Variants in LIPH observed in about 807,000 individuals in gnomAD.
LIPH encodes lipase member H.
In LIPH, 32 loss-of-function variants were observed where a neutral mutation model predicts 47.6. The observed-to-expected ratio is 0.67, with a 90% CI of 0.51 to 0.90. The LOEUF is 0.90. Ranked by LOEUF, LIPH falls within the 40% of genes least tolerant of loss-of-function variation. LIPH has a pLI of 0.00. For missense variants in LIPH, 497 were observed against 541.4 expected (o/e 0.92, Z 0.81); for synonymous variants, 190 against 195.6 (o/e 0.97, Z 0.24).
chr3:185,533,873 A>T (rs1277970066), intron 2 of LIPH, among the ~76,000 whole-genome samples, 194 bp from the exon 3 acceptor site: 1 of 152,230 alleles, frequency 6.6e-6, no homozygotes, highest in Non-Finnish European at 1.5e-5. Context: ...CTGAGGCCCT[A>T]AGCTGAAGTC....
intron 5 of LIPH, among the ~76,000 whole-genome samples, chr3:185,521,645 G>C (rs1346285508): frequency 2.0e-5 from 3 of 152,144 alleles, no homozygotes; most frequent in Non-Finnish European, 4.4e-5. Flanking sequence ...AGATGTTGAG[G>C]GTCATTGGAA....
At chr3:185,517,985 G>A (rs927810408) in intron 6 of LIPH, among the ~76,000 whole-genome samples, 3 of 152,136 alleles carry the variant, frequency 2.0e-5, no homozygotes, top group Non-Finnish European at 4.4e-5. Flanking sequence ...GCACACAAGA[G>A]CCAGAATGTG....
chr3:185,551,051 G>A (rs1189981700), intron 1 of LIPH, among the ~76,000 whole-genome samples: 2 of 152,126 alleles, frequency 1.3e-5, no homozygotes, highest in Admixed American at 6.5e-5. Flanking sequence ...GCGCACTCCT[G>A]TAGTCCCAGC....
intron 1 of LIPH, among the ~76,000 whole-genome samples, chr3:185,545,708 C>T (rs1171834161): frequency 6.6e-6 from 1 of 151,330 alleles, no homozygotes; most frequent in Non-Finnish European, 1.5e-5. Context: ...ATCCCATCTC[C>T]ATAAAACAAA....
At position 185,533,950 on chromosome 3, in the gene LIPH, C is replaced by A. The variant is rs825590; in HGVS notation, c.418-271G>T. Among the ~76,000 whole-genome samples, 140,717 of 152,278 alleles carry A rather than the reference C, an allele frequency of 0.92. 65,290 individuals carry two copies. Among genetic ancestry groups the A allele is most frequent in the East Asian group, 0.99 (5,111 of 5,184 alleles). ...ATTCAAAATAGTCTGTCTGCTGGGC[C>A]CAGTGGCCCACGCTTGTAATCCCAG... On this transcript the variant is annotated intron_variant, in intron 2 of 9. Coordinates refer to ENST00000296252, the MANE Select transcript of LIPH (RefSeq NM_139248.3).
chr3:185,518,559 C>T (rs868830588), intron 6 of LIPH, among the ~76,000 whole-genome samples: 2 of 151,838 alleles, frequency 1.3e-5, no homozygotes, highest in South Asian at 2.1e-4. Flanking sequence ...GGATTACAGG[C>T]GTGAGCTACC....
intron 8 of LIPH, 122 bp from the exon 9 acceptor site, chr3:185,511,819 C>A (rs960734088): frequency 7.8e-5 from 43 of 551,686 alleles, no homozygotes; most frequent in Non-Finnish European, 1.2e-4. Context: ...CACCAGCTGA[C>A]TTTTTTTTTT....
chr3:185,515,502 A>G (rs1368068238), intron 7 of LIPH, among the ~76,000 whole-genome samples: 1 of 149,900 alleles, frequency 6.7e-6, no homozygotes, highest in Non-Finnish European at 1.5e-5. Context: ...AGGGAAACCC[A>G]GTGATCTGCA....
chr3:185,531,027 G>A (rs561574680), intron 3 of LIPH, among the ~76,000 whole-genome samples: 1 of 152,234 alleles, frequency 6.6e-6, no homozygotes, highest in African/African-American at 2.4e-5. Context: ...GACTGTCACA[G>A]GCAGGCTTGG....
intron 1 of LIPH, chr3:185,546,926 A>G (rs1560173412): frequency 8.8e-6 from 4 of 452,130 alleles, no homozygotes; most frequent in Non-Finnish European, 1.8e-5. Context: ...ACTGGAGAAA[A>G]CCCTCTTCAA....
chr3:185,519,827 A>G (rs1334800676), intron 5 of LIPH, among the ~76,000 whole-genome samples: 1 of 97,810 alleles, frequency 1.0e-5, no homozygotes, highest in East Asian at 3.6e-4. Context: ...ACAGAGTGAC[A>G]CTCCATCTCA....
In LIPH at chr3:185,511,698, C is replaced by A. The variant is rs762365725; in HGVS notation, c.1095-1G>T. On this transcript the variant is annotated splice_acceptor_variant, in intron 8 of 9. Transcript: ENST00000296252. LOFTEE classifies it high-confidence loss of function. ...ATATTTCTGAAATGTGGTGGGTTCA[C>A]TGGAAGGAAGAAGTAATACTGAAAA... 9 of 1,608,078 alleles carry A rather than the reference C, an allele frequency of 5.6e-6. No homozygotes were observed. Among genetic ancestry groups the A allele is most frequent in the Non-Finnish European group, 7.7e-6 (9 of 1,174,806 alleles).
chr3:185,527,615 C>T (rs757336554), intron 3 of LIPH, 30 bp from the exon 4 acceptor site: 1 of 1,425,018 alleles, frequency 7.0e-7, no homozygotes, highest in Non-Finnish European at 9.9e-7. Flanking sequence ...ACTTGGCAGC[C>T]CCACACCATG....
chr3:185,527,471 A>T lies in LIPH; in HGVS notation c.628+13T>A, dbSNP rs1046543020. On this transcript the variant is annotated intron_variant, in intron 4 of 9. Coordinates refer to ENST00000296252, the MANE Select transcript of LIPH (RefSeq NM_139248.3). ...CTGGCGGTGTCACTGACCCACAAGGAAAGGAGCGTTACCATCAGTGTCGGA... is the reference window on the plus strand; with the variant it reads ...CTGGCGGTGTCACTGACCCACAAGGTAAGGAGCGTTACCATCAGTGTCGGA... 7.6e-6 allele frequency: 12 copies of T among 1,582,478 alleles called. No individual in the cohort carries two copies. Among genetic ancestry groups the T allele is most frequent in the Non-Finnish European group, 8.7e-6 (10 of 1,152,040 alleles).
Position 185,527,511 on chromosome 3 carries a change from C to CA in LIPH, c.600dup (p.Val201CysfsTer2). The CA allele has an allele frequency of 6.2e-7, 1 of 1,612,970 alleles. No homozygotes were observed. The highest frequency in any genetic ancestry group is 8.5e-7 in the Non-Finnish European group (1 of 1,179,674). On this transcript the variant is annotated frameshift_variant, in exon 4 of 10. Transcript: ENST00000296252. Reference sequence around the variant, plus strand: ...TCAGTGTCGGAATGGATGACATCAACAAACTGCGCATCACTGGGATCTAAT... The same window carrying CA: ...TCAGTGTCGGAATGGATGACATCAACAAAACTGCGCATCACTGGGATCTAAT...
rs544146484 is a variant in LIPH, at chr3:185,510,495, T to G, written c.1268+1029A>C. On this transcript the variant is annotated intron_variant, in intron 9 of 9. Transcript: ENST00000296252. The stretch of plus-strand genomic sequence containing the variant: ...TTATTTTTTCTGGCACAATTGAGAA[T>G]AGATTGTTTACTCCTTAATACTTCA... Among the ~76,000 whole-genome samples the G allele has an allele frequency of 2.2e-4, 34 of 152,338 alleles. No individual in the cohort carries two copies. The East Asian group carries it at 5.2e-3, about 23-fold the overall frequency.
intron 7 of LIPH, among the ~76,000 whole-genome samples, chr3:185,515,529 A>T (rs10937219): frequency 0.52 from 77,629 of 149,410 alleles, 20,201 homozygotes; most frequent in East Asian, 0.72. Flanking sequence ...TTTTTTTTTT[A>T]AAAGAATCTC....
At chr3:185,542,826 A>G (rs183928091) in intron 1 of LIPH, among the ~76,000 whole-genome samples, 123 of 152,322 alleles carry the variant, frequency 8.1e-4, no homozygotes, top group South Asian at 6.6e-3. Flanking sequence ...AGCAACATGA[A>G]TAGAACTTGA....
intron 3 of LIPH, among the ~76,000 whole-genome samples, chr3:185,532,020 A>C (rs1217832627): frequency 6.6e-6 from 1 of 152,042 alleles, no homozygotes; most frequent in South Asian, 2.1e-4. Flanking sequence ...GCTTTTTCTT[A>C]TTGCTCTAAG....
Sources: gnomAD v4.1 joint callset for allele counts (sites outside exome capture counted in the v4.1 genomes callset) on GRCh38, gnomAD v4.1.1 for gene constraint, MANE v1.5 for transcripts, NCBI Gene and HGNC (gene_info 2026-07-23, HGNC 2026-07-21) for gene names.